The following ACVR2B variants were observed in gnomAD, a reference collection of about 807,000 sequenced individuals.
The protein encoded by ACVR2B is activin A receptor type 2B.
ACVR2B carries 18 observed loss-of-function variants against 65.1 expected under a neutral mutation model. The ratio of observed to expected loss-of-function variants is 0.28; its 90% CI spans 0.19 to 0.41. The LOEUF (loss-of-function observed/expected upper bound fraction) is 0.41, where lower values mean the gene tolerates loss of function less well. Ranked by LOEUF, ACVR2B falls within the 10% of genes least tolerant of loss-of-function variation. The pLI is 1.00. For missense variants in ACVR2B, 482 were observed against 682.7 expected, an observed-to-expected ratio of 0.71 and a Z score of 3.28; for synonymous variants, 298 against 277.7, an observed-to-expected ratio of 1.07 and a Z score of -0.73.
intron 1 of ACVR2B, chr3:38,474,945 G>A (rs1175728277): frequency 1.3e-5 from 2 of 152,382 alleles, no homozygotes; most frequent in East Asian, 1.9e-4. Context: ...GCTGCAGTGA[G>A]GGGAGGAAGG....
chr3:38,461,537 C>T (rs1435390417), intron 1 of ACVR2B, among the ~76,000 whole-genome samples: 3 of 152,060 alleles, frequency 2.0e-5, no homozygotes, highest in Non-Finnish European at 2.9e-5. Context: ...AGGGTGAGAC[C>T]TACAGGGCTG....
rs192767800 is a variant in ACVR2B, at chr3:38,482,179, C to T, written c.1075-19C>T. 9.8e-5 allele frequency: 158 copies of T among 1,613,742 alleles called. 1 individual carries two copies. Among genetic ancestry groups the T allele is most frequent in the Middle Eastern group, 3.3e-4 (2 of 6,062 alleles). On this transcript the variant is annotated intron_variant, in intron 8 of 10. Coordinates refer to ENST00000352511, the MANE Select transcript of ACVR2B (RefSeq NM_001106.4). Reference sequence around the variant, plus strand: ...ATGGCCAGTCACTGTAAATCCTGCCCTCCTCTGTCCTCACATAGGTAGGCA... The same window carrying T: ...ATGGCCAGTCACTGTAAATCCTGCCTTCCTCTGTCCTCACATAGGTAGGCA...
chr3:38,468,319 T>C (rs1709765429), intron 1 of ACVR2B, among the ~76,000 whole-genome samples: 2 of 152,140 alleles, frequency 1.3e-5, no homozygotes, highest in Admixed American at 6.5e-5. Context: ...CTGAGAAATA[T>C]CTTCTGTTTT....
intron 1 of ACVR2B, among the ~76,000 whole-genome samples, chr3:38,455,107 G>C (rs1263485871): frequency 2.6e-5 from 4 of 152,216 alleles, no homozygotes; most frequent in Non-Finnish European, 5.9e-5. Flanking sequence ...CTCGCCCGCG[G>C]CTGCGGGCGT....
rs1395599786 is a variant in ACVR2B at position 38,483,124 on chromosome 3, C to G, written c.1345-14C>G. On this transcript the variant is annotated splice_polypyrimidine_tract_variant and intron_variant, in intron 10 of 10. Coordinates refer to ENST00000352511, the MANE Select transcript of ACVR2B (RefSeq NM_001106.4). The surrounding 1 kb of genome is among the most constrained non-coding windows in gnomAD (Gnocchi z 4.8). ...TAACAAAGGTGTCTTTCCTGTCTGC[C>G]CTATGCTGCTTAGGGCCTGGCCCAG... 3 of 1,613,960 alleles carry G rather than the reference C, an allele frequency of 1.9e-6. No individual in the cohort carries two copies. In the African/African-American group the frequency reaches 4.0e-5, roughly 22 times the overall value.
chr3:38,472,948 G>A (rs1003992891), intron 1 of ACVR2B, among the ~76,000 whole-genome samples: 2 of 152,142 alleles, frequency 1.3e-5, no homozygotes, highest in African/African-American at 4.8e-5. Context: ...GCGTGTCTTC[G>A]AGCATCCAAA....
chr3:38,492,572 A>G lies in ACVR2B; in HGVS notation c.*9240A>G, dbSNP rs1207518111. On this transcript the variant is annotated 3_prime_UTR_variant, in exon 11 of 11. Coordinates refer to ENST00000352511, the MANE Select transcript of ACVR2B (RefSeq NM_001106.4). ...CACTTTTCACCCTTGTAGCTATAAA[A>G]TAAAAATTTTGTAGAACAGAAATAG... The G allele has an allele frequency of 6.6e-6, 1 of 152,164 alleles. No homozygotes were observed. Among genetic ancestry groups the G allele is most frequent in the Non-Finnish European group, 1.5e-5 (1 of 68,036 alleles). The allele number at this position is 152,164 out of a possible 1,614,324, so 9.4% of individuals were successfully genotyped here. A position where few individuals can be genotyped will look rare whatever the true frequency, so the allele number is the denominator to read the frequency against.
At chr3:38,479,331 T>A in intron 6 of ACVR2B, 60 bp downstream of exon 6, 1 of 1,612,092 alleles carries the variant, frequency 6.2e-7, no homozygotes, top group South Asian at 1.1e-5. Context: ...TTGGTGGCTC[T>A]CCATAATATG....
intron 1 of ACVR2B, among the ~76,000 whole-genome samples, chr3:38,462,574 A>G (rs112150935): frequency 0.011 from 1,631 of 152,274 alleles, 27 homozygotes; most frequent in African/African-American, 0.036. Context: ...TTTCCTCACC[A>G]TGTTTGTGAC....
rs1391029604 is a variant in ACVR2B, at chr3:38,454,428, T to C, written c.52+54T>C. ...CGAGAGGGCGCGCGGGGCTGGCCTC[T>C]GGCGCCGCGCGGTGTTTACCAACAA... On this transcript the variant is annotated intron_variant, in intron 1 of 10. Coordinates refer to ENST00000352511, the MANE Select transcript of ACVR2B (RefSeq NM_001106.4). The C allele has an allele frequency of 3.4e-5, 42 of 1,222,840 alleles. No homozygotes were observed. The South Asian group carries it at 1.0e-3, about 30-fold the overall frequency. 75.7% of individuals were successfully genotyped at this position (1,222,840 alleles called of 1,614,324 possible). A position where few individuals can be genotyped will look rare whatever the true frequency, so the allele number is the denominator to read the frequency against.
At chr3:38,454,488 G>A in intron 1 of ACVR2B, 114 bp downstream of exon 1, 1 of 970,604 alleles carries the variant, frequency 1.0e-6, no homozygotes, top group Non-Finnish European at 1.3e-6. Context: ...CGCACCACCT[G>A]TATTCAGCCC....
intron 1 of ACVR2B, among the ~76,000 whole-genome samples, chr3:38,459,856 A>G (rs537474567): frequency 1.8e-4 from 27 of 152,174 alleles, no homozygotes; most frequent in African/African-American, 5.1e-4. Flanking sequence ...AGGCTTGTCT[A>G]TTGGGCTTGG....
chr3:38,465,397 CAAAAAAAAAA>C (rs71085325), intron 1 of ACVR2B, among the ~76,000 whole-genome samples: 2 of 90,324 alleles, frequency 2.2e-5, no homozygotes, highest in Admixed American at 1.2e-4. Context: ...GATTCCATCT[CAAAAAAAAAA>C]AAAAAAAAAA....
chr3:38,458,330 C>T (rs889734950), intron 1 of ACVR2B, among the ~76,000 whole-genome samples: 17 of 152,174 alleles, frequency 1.1e-4, no homozygotes, highest in African/African-American at 4.1e-4. Flanking sequence ...ACCCTTCCTC[C>T]AGGAAAATGT....
intron 1 of ACVR2B, chr3:38,475,238 C>G (rs1709887449): frequency 1.3e-5 from 2 of 152,424 alleles, no homozygotes; most frequent in Admixed American, 1.3e-4. Context: ...TCAGGTTCTC[C>G]CTCTAAACCT....
chr3:38,478,323 G>T, intron 4 of ACVR2B, 31 bp downstream of exon 4: 1 of 1,614,126 alleles, frequency 6.2e-7, no homozygotes, highest in Non-Finnish European at 8.5e-7. Flanking sequence ...GGCAGGGCAG[G>T]ATAGAGGTGG....
At chr3:38,464,094 C>G (rs1366676262) in intron 1 of ACVR2B, among the ~76,000 whole-genome samples, 1 of 152,168 alleles carries the variant, frequency 6.6e-6, no homozygotes, top group African/African-American at 2.4e-5. Context: ...TGCACCAACC[C>G]AATAGTCACA....
chr3:38,463,202 A>G (rs1282789331), intron 1 of ACVR2B, among the ~76,000 whole-genome samples: 1 of 152,160 alleles, frequency 6.6e-6, no homozygotes, highest in Non-Finnish European at 1.5e-5. Flanking sequence ...TTGGGATGGA[A>G]GTGCATATGT....
chr3:38,455,730 C>T (rs539143), intron 1 of ACVR2B, among the ~76,000 whole-genome samples: 1 of 152,236 alleles, frequency 6.6e-6, no homozygotes, highest in Non-Finnish European at 1.5e-5. Context: ...GGAGCCGCTT[C>T]TTGGAGGCGA....
Sources: gnomAD v4.1 joint callset for allele counts (sites outside exome capture counted in the v4.1 genomes callset) on GRCh38, gnomAD v4.1.1 for gene constraint, Gnocchi (gnomAD v3.1) non-coding constraint, MANE v1.5 for transcripts, NCBI Gene and HGNC (gene_info 2026-07-23, HGNC 2026-07-21) for gene names.